The following ARHGAP15 variants were observed in gnomAD, a reference collection of about 807,000 sequenced individuals.
ARHGAP15 encodes Rho GTPase activating protein 15.
In ARHGAP15, 51 loss-of-function variants were observed where a neutral mutation model predicts 63.7. That is an observed-to-expected ratio of 0.80 (90% CI 0.64 to 1.01). The LOEUF is 1.01. ARHGAP15 is among the 50% of genes least tolerant of loss of function. ARHGAP15 has a pLI of 0.00. For missense variants in ARHGAP15, 560 were observed against 564.6 expected (o/e 0.99, Z 0.08); for synonymous variants, 191 against 193.8 (o/e 0.99, Z 0.12).
At chr2:143,716,363 T>C (rs1289336552) in intron 13 of ARHGAP15, among the ~76,000 whole-genome samples, 2 of 152,154 alleles carry the variant, frequency 1.3e-5, no homozygotes, top group Non-Finnish European at 2.9e-5. Flanking sequence ...AATTGCCAGT[T>C]CTTCTGGTTT....
chr2:143,557,788 GA>G (rs138991661), intron 11 of ARHGAP15, among the ~76,000 whole-genome samples: 47,315 of 151,696 alleles, frequency 0.31, 7,863 homozygotes, highest in East Asian at 0.42. Context: ...TGCTCTAAAA[GA>G]AGTCTATTAA....
At chr2:143,339,461 G>T (rs1305331847) in intron 6 of ARHGAP15, among the ~76,000 whole-genome samples, 1 of 152,130 alleles carries the variant, frequency 6.6e-6, no homozygotes, top group East Asian at 1.9e-4. Context: ...GGAAGAGTGG[G>T]TAATACTTCT....
chr2:143,322,615 G>C lies in ARHGAP15; in HGVS notation c.474+72015G>C, dbSNP rs78131910. ...AGTTAGAATTTTGAGGCTTAAATAA[G>C]TTTTGAAGTTTTCCATTTTAAACTG... On this transcript the variant is annotated intron_variant, in intron 6 of 13. Coordinates refer to ENST00000295095, the MANE Select transcript of ARHGAP15 (RefSeq NM_018460.4). Among the ~76,000 whole-genome samples the C allele has an allele frequency of 6.9e-3, 1,045 of 152,280 alleles. 11 individuals carry two copies. The East Asian group carries it at 0.069, about 10-fold the overall frequency.
intron 8 of ARHGAP15, among the ~76,000 whole-genome samples, chr2:143,463,031 C>T (rs1691027962): frequency 6.6e-6 from 1 of 152,100 alleles, no homozygotes; most frequent in Non-Finnish European, 1.5e-5. Flanking sequence ...TTGAATGCAG[C>T]CCAACACAAA....
intron 6 of ARHGAP15, among the ~76,000 whole-genome samples, chr2:143,405,002 A>G (rs1240089838): frequency 6.6e-6 from 1 of 151,954 alleles, no homozygotes. Context: ...CAACTTCTAC[A>G]TGAAAACAAT....
At chr2:143,315,879 G>A (rs1683678569) in intron 6 of ARHGAP15, among the ~76,000 whole-genome samples, 1 of 142,348 alleles carries the variant, frequency 7.0e-6, no homozygotes, top group Admixed American at 6.7e-5. Context: ...GAAGTCAGGA[G>A]TTCAAGATCA....
chr2:143,261,001 A>G, intron 6 of ARHGAP15, among the ~76,000 whole-genome samples: 1 of 152,192 alleles, frequency 6.6e-6, no homozygotes, highest in Non-Finnish European at 1.5e-5. Context: ...CTCCTAATAG[A>G]CTTGGATACA....
chr2:143,531,737 A>G (rs1694532688), intron 10 of ARHGAP15, among the ~76,000 whole-genome samples: 1 of 152,228 alleles, frequency 6.6e-6, no homozygotes, highest in Non-Finnish European at 1.5e-5. Context: ...GATGACATTT[A>G]TTAAGCACTC....
intron 12 of ARHGAP15, among the ~76,000 whole-genome samples, chr2:143,659,913 T>C (rs1681664241): frequency 6.6e-6 from 1 of 152,276 alleles, no homozygotes; most frequent in East Asian, 1.9e-4. Flanking sequence ...CCAAGAGAAT[T>C]TGAAGTAATA....
At chr2:143,283,168 C>A in intron 6 of ARHGAP15, among the ~76,000 whole-genome samples, 1 of 152,120 alleles carries the variant, frequency 6.6e-6, no homozygotes, top group Admixed American at 6.6e-5. Context: ...TTTTGCCCTG[C>A]AGCAAACTTG....
At chr2:143,716,739 C>T (rs1052000279) in intron 13 of ARHGAP15, among the ~76,000 whole-genome samples, 1 of 152,210 alleles carries the variant, frequency 6.6e-6, no homozygotes, top group East Asian at 1.9e-4. Context: ...AATACCAATA[C>T]TCGATTGTGT....
intron 6 of ARHGAP15, among the ~76,000 whole-genome samples, chr2:143,377,759 G>T (rs1378760303): frequency 2.0e-5 from 3 of 152,036 alleles, no homozygotes; most frequent in African/African-American, 7.2e-5. Context: ...ATATGCCTTT[G>T]CATCAGAACT....
rs2105352009 is a variant in ARHGAP15, at chr2:143,368,915, T to C, written c.475-66686T>C. On this transcript the variant is annotated intron_variant, in intron 6 of 13. Coordinates refer to ENST00000295095, the MANE Select transcript of ARHGAP15 (RefSeq NM_018460.4). ...ACCTTATGACAGTGATTACCTACCT[T>C]ATGACTTATGATTAACAGTTGAATA... is the stretch of plus-strand genomic sequence containing the variant. 1.3e-5 allele frequency among the ~76,000 whole-genome samples: 2 copies of C among 152,214 alleles called. 1 individual carries two copies.
At chr2:143,511,283 A>G (rs1200137354) in intron 9 of ARHGAP15, among the ~76,000 whole-genome samples, 2 of 152,212 alleles carry the variant, frequency 1.3e-5, no homozygotes, top group African/African-American at 4.8e-5. Context: ...GATGCTTTCA[A>G]AGAAAAATTG....
At chr2:143,415,932 C>T (rs180904159) in intron 6 of ARHGAP15, among the ~76,000 whole-genome samples, 10 of 152,162 alleles carry the variant, frequency 6.6e-5, no homozygotes, top group Non-Finnish European at 1.5e-5. Flanking sequence ...TATGAGGATG[C>T]AGAGGCATAA....
chr2:143,525,929 A>G (rs956516505), intron 10 of ARHGAP15, among the ~76,000 whole-genome samples: 1 of 152,192 alleles, frequency 6.6e-6, no homozygotes, highest in Non-Finnish European at 1.5e-5. Flanking sequence ...ATAAGAGGAC[A>G]TGCTTGTGAG....
chr2:143,678,223 G>A (rs1049406810), intron 12 of ARHGAP15, among the ~76,000 whole-genome samples: 4 of 151,938 alleles, frequency 2.6e-5, no homozygotes, highest in Non-Finnish European at 4.4e-5. Context: ...GAAAGAAAAA[G>A]GAAAGAAAGA....
Position 143,433,605 on chromosome 2 carries a change from G to T in ARHGAP15, c.475-1996G>T, listed in dbSNP as rs573522227. ...GCATTGCATAGCATGCACCAAAAAT[G>T]CAAACGCACTGCTAAAGTACTTATA... On this transcript the variant is annotated intron_variant, in intron 6 of 13. Coordinates refer to ENST00000295095, the MANE Select transcript of ARHGAP15 (RefSeq NM_018460.4). Among the ~76,000 whole-genome samples, 10 of 152,182 alleles carry T rather than the reference G, an allele frequency of 6.6e-5. No individual in the cohort carries two copies. In the South Asian group the frequency reaches 2.1e-3, roughly 32 times the overall value.
chr2:143,688,678 T>C (rs146287355), intron 12 of ARHGAP15, among the ~76,000 whole-genome samples: 1,968 of 152,298 alleles, frequency 0.013, 31 homozygotes, highest in African/African-American at 0.044. Context: ...TTTGCATACA[T>C]GAGAATGTCT....
Sources: gnomAD v4.1 joint callset for allele counts (sites outside exome capture counted in the v4.1 genomes callset) on GRCh38, gnomAD v4.1.1 for gene constraint, MANE v1.5 for transcripts, NCBI Gene and HGNC (gene_info 2026-07-23, HGNC 2026-07-21) for gene names.